The following THSD7B variants were observed in gnomAD, a reference collection of about 807,000 sequenced individuals.
The protein encoded by THSD7B is thrombospondin type-1 domain-containing protein 7B.
A neutral mutation model predicts 213.6 loss-of-function variants in THSD7B; 138 were observed. The ratio of observed to expected loss-of-function variants is 0.65; its 90% CI spans 0.56 to 0.74. THSD7B has a LOEUF of 0.74. Among genes scored for constraint, THSD7B ranks in the 30% least tolerant of loss-of-function variants. The pLI is 0.00. For synonymous variants in THSD7B, 742 were observed against 687.0 expected, an observed-to-expected ratio of 1.08 and a Z score of -1.25; for missense variants, 1,931 against 1,991.5, an observed-to-expected ratio of 0.97 and a Z score of 0.58.
intron 20 of THSD7B, among the ~76,000 whole-genome samples, chr2:137,637,661 A>AT (rs138731209): frequency 1.3e-5 from 2 of 152,064 alleles, no homozygotes; most frequent in African/African-American, 4.8e-5. Flanking sequence ...TAATAGCATC[A>AT]TTTTTTTCTT....
chr2:137,293,344 C>A (rs1372076324), intron 12 of THSD7B, among the ~76,000 whole-genome samples: 1 of 151,830 alleles, frequency 6.6e-6, no homozygotes, highest in African/African-American at 2.4e-5. Flanking sequence ...TGCCATGTTG[C>A]CCAGGATGAC....
At chr2:137,044,718 C>T (rs4569529) in intron 2 of THSD7B, among the ~76,000 whole-genome samples, 21 of 152,230 alleles carry the variant, frequency 1.4e-4, no homozygotes, top group African/African-American at 5.1e-4. Context: ...CTCAGAATGT[C>T]TCATACTATA....
chr2:136,980,765 A>T (rs1685562893), intron 2 of THSD7B, among the ~76,000 whole-genome samples: 1 of 152,110 alleles, frequency 6.6e-6, no homozygotes, highest in Non-Finnish European at 1.5e-5. Context: ...TGGGTTCATG[A>T]GGGTATCTTC....
chr2:137,242,822 T>C (rs1681942307), intron 10 of THSD7B, among the ~76,000 whole-genome samples: 1 of 152,204 alleles, frequency 6.6e-6, no homozygotes, highest in African/African-American at 2.4e-5. Flanking sequence ...GTATTCATCT[T>C]CTACTGACCC....
intron 5 of THSD7B, among the ~76,000 whole-genome samples, chr2:137,144,666 A>C (rs1054692713): frequency 6.6e-6 from 1 of 152,038 alleles, no homozygotes; most frequent in Non-Finnish European, 1.5e-5. Flanking sequence ...AATAATGACT[A>C]TCTGGTGGAA....
intron 17 of THSD7B, among the ~76,000 whole-genome samples, chr2:137,605,290 T>A (rs1209856375): frequency 2.0e-5 from 3 of 152,224 alleles, no homozygotes; most frequent in African/African-American, 4.8e-5. Flanking sequence ...TTCATGTCTG[T>A]ATACTCCTTC....
chr2:137,309,187 T>C (rs988868568), intron 12 of THSD7B, among the ~76,000 whole-genome samples: 1 of 152,108 alleles, frequency 6.6e-6, no homozygotes, highest in African/African-American at 2.4e-5. Context: ...TAGTTGTCAA[T>C]CAAAATGGAA....
intron 15 of THSD7B, among the ~76,000 whole-genome samples, chr2:137,522,410 G>A (rs1680202378): frequency 6.6e-6 from 1 of 152,148 alleles, no homozygotes; most frequent in Admixed American, 6.5e-5. Flanking sequence ...ACAGAGTTGT[G>A]ACTGCCTTGC....
At chr2:137,235,350 C>T (rs1489374118) in intron 9 of THSD7B, among the ~76,000 whole-genome samples, 3 of 152,072 alleles carry the variant, frequency 2.0e-5, no homozygotes, top group Non-Finnish European at 1.5e-5. Context: ...TTTTAGCATG[C>T]CTGAAGCCTG....
At chr2:137,285,355 A>G (rs1012272977) in intron 12 of THSD7B, among the ~76,000 whole-genome samples, 8 of 151,994 alleles carry the variant, frequency 5.3e-5, no homozygotes, top group Admixed American at 2.6e-4. Flanking sequence ...TCTTTATCCA[A>G]TTTGCCCGTC....
At chr2:137,004,729 C>T (rs1255502432) in intron 2 of THSD7B, among the ~76,000 whole-genome samples, 2 of 152,064 alleles carry the variant, frequency 1.3e-5, no homozygotes, top group Non-Finnish European at 2.9e-5. Context: ...TTTTATTGGA[C>T]CCAAATATTT....
chr2:137,449,251 A>G, intron 14 of THSD7B, among the ~76,000 whole-genome samples: 1 of 152,124 alleles, frequency 6.6e-6, no homozygotes, highest in East Asian at 1.9e-4. Flanking sequence ...GGACTTATTT[A>G]TTTGTTTTAA....
At chr2:137,653,261 C>G (rs1236088446) in intron 21 of THSD7B, among the ~76,000 whole-genome samples, 2 of 152,004 alleles carry the variant, frequency 1.3e-5, no homozygotes, top group East Asian at 3.9e-4. Flanking sequence ...TCCCTTCTAC[C>G]CTGTATGATT....
At chr2:137,285,966 C>T (rs774054714) in intron 12 of THSD7B, among the ~76,000 whole-genome samples, 22 of 151,390 alleles carry the variant, frequency 1.5e-4, no homozygotes, top group Admixed American at 3.9e-4. Context: ...TAGCCGGGCA[C>T]GGTGGTGGGT....
At chr2:137,256,748 TG>T (rs1313031998) in intron 10 of THSD7B, among the ~76,000 whole-genome samples, 1 of 152,020 alleles carries the variant, frequency 6.6e-6, no homozygotes, top group African/African-American at 2.4e-5. Context: ...TGGAAACCAG[TG>T]GAAAAATTAG....
At chr2:137,438,521 G>A (rs1400625214) in intron 14 of THSD7B, among the ~76,000 whole-genome samples, 1 of 152,042 alleles carries the variant, frequency 6.6e-6, no homozygotes, top group Non-Finnish European at 1.5e-5. Flanking sequence ...GCAGTCATAG[G>A]CAATGCAGAA....
intron 2 of THSD7B, among the ~76,000 whole-genome samples, chr2:136,910,621 G>T (rs190892557): frequency 6.6e-6 from 1 of 152,234 alleles, no homozygotes; most frequent in African/African-American, 2.4e-5. Flanking sequence ...TTTTTAGTAC[G>T]TGGAGAAGAA....
At chr2:137,387,994 A>G (rs1443084484) in intron 12 of THSD7B, among the ~76,000 whole-genome samples, 1 of 152,188 alleles carries the variant, frequency 6.6e-6, no homozygotes, top group Admixed American at 6.5e-5. Context: ...CACACACACA[A>G]TACATTTGTA....
chr2:137,341,815 C>T (rs940420375), intron 12 of THSD7B, among the ~76,000 whole-genome samples: 6 of 151,546 alleles, frequency 4.0e-5, no homozygotes, highest in East Asian at 1.9e-4. Flanking sequence ...TATTTTGTTC[C>T]GTTGGTTAAT....
Sources: gnomAD v4.1 joint callset for allele counts (sites outside exome capture counted in the v4.1 genomes callset) on GRCh38, gnomAD v4.1.1 for gene constraint, MANE v1.5 for transcripts, NCBI Gene and HGNC (gene_info 2026-07-23, HGNC 2026-07-21) for gene names.